The following GRID2 variants were observed in gnomAD, a reference collection of about 807,000 sequenced individuals.
GRID2 encodes glutamate receptor ionotropic, delta-2.
Under a neutral mutation model 114.8 loss-of-function variants are expected in GRID2, and 33 were observed. The ratio of observed to expected loss-of-function variants is 0.29; its 90% CI spans 0.22 to 0.38. GRID2 has a LOEUF of 0.38. GRID2 is among the 10% of genes least tolerant of loss of function. The pLI is 1.00. For synonymous variants in GRID2, 505 were observed against 449.9 expected, an observed-to-expected ratio of 1.12 and a Z score of -1.55; for missense variants, 1,184 against 1,257.7, an observed-to-expected ratio of 0.94 and a Z score of 0.89.
At position 93,626,304 on chromosome 4, in the gene GRID2, A is replaced by C. The variant is rs1578428860; in HGVS notation, c.2229A>C (p.Ala743=). The C allele has an allele frequency of 6.2e-7, 1 of 1,602,980 alleles. No homozygotes were observed. The highest frequency in any genetic ancestry group is 1.7e-5 in the Admixed American group (1 of 59,710). Residue 743 remains alanine, a synonymous_variant, in exon 14 of 16, where the codon GCA becomes GCC. Transcript: ENST00000282020. Reference sequence around the variant, plus strand: ...GAAATTATGCTTTCGTATGGGATGCAGCTGTATTGGAATATGTGGCTATCA... The same window carrying C: ...GAAATTATGCTTTCGTATGGGATGCCGCTGTATTGGAATATGTGGCTATCA... The part of the protein sequence containing the change: ...KYGNYAFVWD[A]AVLEYVAIND...
chr4:93,227,745 A>G (rs1745663648), intron 7 of GRID2, among the ~76,000 whole-genome samples: 1 of 152,214 alleles, frequency 6.6e-6, no homozygotes, highest in South Asian at 2.1e-4. Context: ...CTAAGTTCTG[A>G]ATTCTACAAA....
At chr4:93,317,334 T>C (rs914008972) in intron 8 of GRID2, among the ~76,000 whole-genome samples, 16 of 152,134 alleles carry the variant, frequency 1.1e-4, no homozygotes, top group African/African-American at 3.9e-4. Flanking sequence ...TTTTTTTTTT[T>C]TCCTTGAAAT....
At chr4:93,373,124 T>C (rs762774066) in intron 8 of GRID2, among the ~76,000 whole-genome samples, 1 of 152,180 alleles carries the variant, frequency 6.6e-6, no homozygotes, top group Non-Finnish European at 1.5e-5. Context: ...TTCAGTCTTA[T>C]TTCCTATCAT....
At chr4:93,536,846 T>C (rs1296059948) in intron 13 of GRID2, among the ~76,000 whole-genome samples, 2 of 151,674 alleles carry the variant, frequency 1.3e-5, no homozygotes, top group Non-Finnish European at 3.0e-5. Context: ...TCATGCAAAG[T>C]TTTTTGATAA....
intron 1 of GRID2, among the ~76,000 whole-genome samples, chr4:92,488,877 C>G (rs183214780): frequency 1.2e-3 from 185 of 152,262 alleles, no homozygotes; most frequent in African/African-American, 4.2e-3. Flanking sequence ...GCTGAGAAAA[C>G]TCTACTCAAG....
At chr4:92,396,930 G>A (rs995076181) in intron 1 of GRID2, among the ~76,000 whole-genome samples, 5 of 152,004 alleles carry the variant, frequency 3.3e-5, no homozygotes, top group African/African-American at 7.2e-5. Flanking sequence ...CTCATTAACA[G>A]TAGAACAAAC....
chr4:92,931,494 A>G (rs559491020), intron 2 of GRID2, among the ~76,000 whole-genome samples: 59 of 151,088 alleles, frequency 3.9e-4, no homozygotes, highest in African/African-American at 1.4e-3. Context: ...TAGCAGAAAA[A>G]AAATAAATAT....
intron 8 of GRID2, among the ~76,000 whole-genome samples, chr4:93,298,263 C>A (rs142521828): frequency 9.9e-5 from 15 of 152,274 alleles, no homozygotes; most frequent in African/African-American, 2.9e-4. Flanking sequence ...GTGCCATAGG[C>A]TGAATGGCTT....
At chr4:93,513,107 T>G (rs1458815966) in intron 12 of GRID2, among the ~76,000 whole-genome samples, 1 of 152,134 alleles carries the variant, frequency 6.6e-6, no homozygotes, top group African/African-American at 2.4e-5. Flanking sequence ...GGGCCCAATC[T>G]TGTACTGGTA....
chr4:93,299,239 A>G, intron 8 of GRID2, among the ~76,000 whole-genome samples: 1 of 152,150 alleles, frequency 6.6e-6, no homozygotes, highest in African/African-American at 2.4e-5. Flanking sequence ...CAGGTAGTTC[A>G]GGCCCTGAGG....
intron 10 of GRID2, among the ~76,000 whole-genome samples, chr4:93,435,512 G>C (rs1214170537): frequency 1.3e-5 from 2 of 152,124 alleles, no homozygotes; most frequent in Non-Finnish European, 2.9e-5. Flanking sequence ...CAGAAGAAAT[G>C]AATGAAGGAA....
intron 2 of GRID2, among the ~76,000 whole-genome samples, chr4:92,921,384 G>A (rs951315719): frequency 3.3e-5 from 5 of 152,110 alleles, no homozygotes; most frequent in Admixed American, 6.5e-5. Flanking sequence ...TTGTTCCATT[G>A]CTGTTGAGGA....
intron 2 of GRID2, among the ~76,000 whole-genome samples, chr4:93,017,274 C>A (rs752676890): frequency 6.6e-6 from 1 of 151,904 alleles, no homozygotes; most frequent in Admixed American, 6.6e-5. Context: ...AATTTTTTTC[C>A]TATAAGAAAA....
intron 1 of GRID2, among the ~76,000 whole-genome samples, chr4:92,580,375 T>C (rs1453291537): frequency 6.7e-6 from 1 of 150,358 alleles, no homozygotes; most frequent in Non-Finnish European, 1.5e-5. Flanking sequence ...TAATAAATTA[T>C]GAAGTTTGAG....
intron 2 of GRID2, among the ~76,000 whole-genome samples, chr4:92,821,438 T>TTACA (rs1741272956): frequency 6.6e-6 from 1 of 152,156 alleles, no homozygotes; most frequent in Non-Finnish European, 1.5e-5. Context: ...TAAGAATTTG[T>TTACA]TACAGTATTT....
intron 2 of GRID2, among the ~76,000 whole-genome samples, chr4:93,084,032 T>G (rs909984018): frequency 6.6e-6 from 1 of 152,140 alleles, no homozygotes; most frequent in Non-Finnish European, 1.5e-5. Context: ...ATCTTAAGAA[T>G]GTTATACCTA....
intron 10 of GRID2, among the ~76,000 whole-genome samples, chr4:93,441,952 T>A (rs570611676): frequency 1.3e-5 from 2 of 152,144 alleles, no homozygotes; most frequent in East Asian, 3.9e-4. Context: ...TCTAGCAGTG[T>A]GAGGACATCT....
chr4:93,092,639 A>C (rs1038358068), intron 3 of GRID2, among the ~76,000 whole-genome samples: 3 of 152,062 alleles, frequency 2.0e-5, no homozygotes, highest in Non-Finnish European at 4.4e-5. Context: ...GCTTGAGTCC[A>C]GTTGATCTGA....
chr4:92,997,126 A>G (rs1480528784), intron 2 of GRID2, among the ~76,000 whole-genome samples: 2 of 152,176 alleles, frequency 1.3e-5, no homozygotes, highest in Non-Finnish European at 2.9e-5. Context: ...GCCTATTAAT[A>G]ATTGAGATGT....
Sources: allele counts gnomAD v4.1 joint callset (sites outside exome capture counted in the v4.1 genomes callset), GRCh38; gene constraint gnomAD v4.1.1; transcripts MANE v1.5; gene names NCBI Gene and HGNC (gene_info 2026-07-23, HGNC 2026-07-21).